Variants in TFAP2D observed in about 807,000 individuals in gnomAD.
TFAP2D encodes the protein transcription factor AP-2 delta.
TFAP2D carries 9 observed loss-of-function variants against 43.6 expected under a neutral mutation model. That is an observed-to-expected ratio of 0.21 (90% CI 0.12 to 0.36). TFAP2D has a LOEUF of 0.36. Among genes scored for constraint, TFAP2D ranks in the 10% least tolerant of loss-of-function variants. The probability of loss-of-function intolerance (pLI) is 1.00; values close to 1 mark genes in which losing one functional copy is unlikely to be tolerated. For missense variants in TFAP2D, 513 were observed against 561.4 expected, an observed-to-expected ratio of 0.91 and a Z score of 0.87; for synonymous variants, 256 against 224.9, an observed-to-expected ratio of 1.14 and a Z score of -1.24.
At chr6:50,719,223 T>C (rs991775511) in intron 3 of TFAP2D, 73 bp downstream of exon 3, 3 of 1,478,648 alleles carry the variant, frequency 2.0e-6, no homozygotes, top group Admixed American at 1.8e-5. Flanking sequence ...GAAGATCTGG[T>C]TGTGCTCAGA....
intron 3 of TFAP2D, among the ~76,000 whole-genome samples, chr6:50,722,522 C>T (rs1296723451): frequency 6.6e-6 from 1 of 151,700 alleles, no homozygotes; most frequent in African/African-American, 2.4e-5. Flanking sequence ...TTTTTTTCCC[C>T]CCTGAATCTT....
chr6:50,740,092 G>A (rs544155136), intron 5 of TFAP2D, among the ~76,000 whole-genome samples: 7 of 152,178 alleles, frequency 4.6e-5, no homozygotes, highest in South Asian at 2.1e-4. Flanking sequence ...TACTTAATTC[G>A]CAAATTTGCT....
chr6:50,746,632 CA>C (rs576141647), intron 6 of TFAP2D, among the ~76,000 whole-genome samples: 218 of 152,260 alleles, frequency 1.4e-3, no homozygotes, highest in African/African-American at 2.2e-3. Context: ...AATGCCTTTA[CA>C]ACATACTGGC....
chr6:50,728,315 G>A (rs533151137), intron 3 of TFAP2D, among the ~76,000 whole-genome samples: 1 of 152,284 alleles, frequency 6.6e-6, no homozygotes, highest in African/African-American at 2.4e-5. Context: ...CTTTCAATGA[G>A]TAACTGGTTT....
intron 3 of TFAP2D, among the ~76,000 whole-genome samples, chr6:50,720,934 A>C (rs1768713329): frequency 6.6e-6 from 1 of 152,192 alleles, no homozygotes; most frequent in African/African-American, 2.4e-5. Flanking sequence ...ATCTGAGCGT[A>C]AGATACCTGA....
chr6:50,742,583 TAGATAGA>T (rs1561936861), intron 5 of TFAP2D, among the ~76,000 whole-genome samples: 14 of 118,416 alleles, frequency 1.2e-4, no homozygotes, highest in African/African-American at 3.8e-4. Context: ...CATAGATAGA[TAGATAGA>T]TAGATAGATA....
intron 7 of TFAP2D, among the ~76,000 whole-genome samples, chr6:50,754,158 C>A (rs1421810994): frequency 6.6e-6 from 1 of 151,826 alleles, no homozygotes. Context: ...TGTCAACTAC[C>A]ATTCTGTTTT....
chr6:50,723,006 C>T (rs1355455283), intron 3 of TFAP2D, among the ~76,000 whole-genome samples: 5 of 152,170 alleles, frequency 3.3e-5, no homozygotes, highest in African/African-American at 9.7e-5. Context: ...CCTGATTGCC[C>T]GTGGCTACAC....
chr6:50,772,602 G>A lies in TFAP2D; in HGVS notation c.1140-43G>A, dbSNP rs764381349. The A allele has an allele frequency of 9.0e-6, 14 of 1,558,192 alleles. No individual in the cohort carries two copies. The Admixed American group carries it at 1.7e-4, about 19-fold the overall frequency. On this transcript the variant is annotated intron_variant, in intron 7 of 7. Transcript: ENST00000008391. ...GAGATTTGCTATTTCACATGATACT[G>A]CAAATCATTCACCTCTTTTTTCCTA...
chr6:50,742,165 C>T (rs1769054656), intron 5 of TFAP2D, among the ~76,000 whole-genome samples: 4 of 151,920 alleles, frequency 2.6e-5, no homozygotes, highest in East Asian at 1.9e-4. Context: ...TTTTTGGGCC[C>T]TCACACACAA....
At chr6:50,763,711 GA>G (rs2113893379) in intron 7 of TFAP2D, among the ~76,000 whole-genome samples, 1 of 152,110 alleles carries the variant, frequency 6.6e-6, no homozygotes, top group South Asian at 2.1e-4. Flanking sequence ...CAACATAAAT[GA>G]ATCTGAAAAT....
At position 50,772,829 on chromosome 6, in the gene TFAP2D, G is replaced by T. The variant is rs1236877848; in HGVS notation, c.1324G>T (p.Ala442Ser). 1.4e-5 allele frequency: 23 copies of T among 1,613,976 alleles called. No individual in the cohort carries two copies. Among genetic ancestry groups the T allele is most frequent in the Non-Finnish European group, 1.9e-5 (22 of 1,179,944 alleles). ...KAPLRKTSEA[A>S]VKEGKTEKTD ...TCCCCTGCGGAAAACTTCAGAGGCTGCCGTGAAAGAGGGCAAAACAGAAAA... is the reference window on the plus strand; with the variant it reads ...TCCCCTGCGGAAAACTTCAGAGGCTTCCGTGAAAGAGGGCAAAACAGAAAA... Residue 442 changes from alanine (A) to serine (S), a missense_variant, in exon 8 of 8, where the codon GCC (alanine) becomes TCC (serine). This residue lies in a region of TFAP2D where 199 missense variants were observed against 227.9 expected (regional missense o/e 0.87). Transcript: ENST00000008391.
chr6:50,748,901 T>TAA (rs1769161762), intron 6 of TFAP2D, among the ~76,000 whole-genome samples: 1 of 151,880 alleles, frequency 6.6e-6, no homozygotes, highest in African/African-American at 2.4e-5. Flanking sequence ...ATGTAAGTGA[T>TAA]AAAGTTAGAA....
At chr6:50,732,262 T>A (rs186165737) in intron 5 of TFAP2D, among the ~76,000 whole-genome samples, 152 of 152,268 alleles carry the variant, frequency 1.0e-3, no homozygotes, top group Non-Finnish European at 3.5e-4. Flanking sequence ...CTGAAATCTC[T>A]CCTTTATCTT....
intron 7 of TFAP2D, among the ~76,000 whole-genome samples, chr6:50,759,554 T>C (rs1769334273): frequency 6.6e-6 from 1 of 152,070 alleles, no homozygotes; most frequent in Admixed American, 6.6e-5. Flanking sequence ...AAATTCATTT[T>C]AAAAAGCTTA....
chr6:50,739,165 G>T (rs895090809), intron 5 of TFAP2D, among the ~76,000 whole-genome samples: 2 of 152,072 alleles, frequency 1.3e-5, no homozygotes, highest in Non-Finnish European at 2.9e-5. Context: ...TTGGTGTGCT[G>T]CACCCATTAA....
chr6:50,719,596 G>A (rs1411623093), intron 3 of TFAP2D, among the ~76,000 whole-genome samples: 1 of 152,178 alleles, frequency 6.6e-6, no homozygotes, highest in African/African-American at 2.4e-5. Context: ...CCACAGCCTG[G>A]GTGTTTGAGA....
chr6:50,770,832 C>T (rs1222566932), intron 7 of TFAP2D, among the ~76,000 whole-genome samples: 2 of 152,040 alleles, frequency 1.3e-5, no homozygotes, highest in South Asian at 2.1e-4. Context: ...CAGTTACAAG[C>T]TAGGACTTTA....
intron 6 of TFAP2D, among the ~76,000 whole-genome samples, chr6:50,746,681 C>T (rs1408856933): frequency 1.3e-5 from 2 of 152,118 alleles, no homozygotes; most frequent in African/African-American, 4.8e-5. Flanking sequence ...AAAACCAAAA[C>T]TAAATATTCT....
Sources: gnomAD v4.1 joint callset for allele counts (sites outside exome capture counted in the v4.1 genomes callset) on GRCh38, gnomAD v4.1.1 for gene constraint, gnomAD v4.1.1 regional missense constraint, MANE v1.5 for transcripts, NCBI Gene and HGNC (gene_info 2026-07-23, HGNC 2026-07-21) for gene names.